The following FBXO11 variants were observed in gnomAD, a reference collection of about 807,000 sequenced individuals.
FBXO11 encodes F-box only protein 11.
A neutral mutation model predicts 117.0 loss-of-function variants in FBXO11; 13 were observed. The ratio of observed to expected loss-of-function variants is 0.11; its 90% CI spans 0.07 to 0.18. FBXO11 has a LOEUF of 0.18. Ranked by LOEUF, FBXO11 falls within the 10% of genes least tolerant of loss-of-function variation. FBXO11 has a pLI of 1.00. For missense variants in FBXO11, 767 were observed against 1,164.4 expected (o/e 0.66, Z 4.97); for synonymous variants, 490 against 380.5 (o/e 1.29, Z -3.35).
chr2:47,816,168 G>C (rs1670990850), intron 16 of FBXO11, among the ~76,000 whole-genome samples: 2 of 152,030 alleles, frequency 1.3e-5, no homozygotes, highest in South Asian at 4.1e-4. Context: ...GGGCATAACT[G>C]CAATTTTTTT....
chr2:47,807,109 C>T lies in FBXO11; in HGVS notation c.*1009G>A. 1 of 484,632 alleles carries T rather than the reference C, an allele frequency of 2.1e-6. No homozygotes were observed. 30.0% of individuals were successfully genotyped at this position (484,632 alleles called of 1,614,324 possible). On this transcript the variant is annotated 3_prime_UTR_variant, in exon 23 of 23. Coordinates refer to ENST00000403359, the MANE Select transcript of FBXO11 (RefSeq NM_001190274.2). The stretch of plus-strand genomic sequence containing the variant: ...TTTTATACCCACTGTCACCAATACA[C>T]ATAAATGGGGGAGGAAAAGCTATGA...
chr2:47,894,491 G>C (rs568683780), intron 1 of FBXO11, among the ~76,000 whole-genome samples: 27 of 152,224 alleles, frequency 1.8e-4, no homozygotes, highest in Middle Eastern at 6.8e-3. Flanking sequence ...AGCAGCAAAA[G>C]GAAGCAAGTT....
chr2:47,830,181 G>C lies in FBXO11; in HGVS notation c.1398+2168C>G, dbSNP rs74445052. Among the ~76,000 whole-genome samples the C allele has an allele frequency of 1.6e-4, 25 of 152,264 alleles. No individual in the cohort carries two copies. The East Asian group carries it at 4.4e-3, about 27-fold the overall frequency. On this transcript the variant is annotated intron_variant, in intron 11 of 22. Transcript: ENST00000403359. ...AAGCCAAAATATGGATACTGAGGTAGAAGAGCAATCTTTCAAGCAAAGAAG... is the reference window on the plus strand; with the variant it reads ...AAGCCAAAATATGGATACTGAGGTACAAGAGCAATCTTTCAAGCAAAGAAG...
At chr2:47,905,397 G>A (rs1252633432) in intron 1 of FBXO11, 92 bp downstream of exon 1, 116 of 1,076,480 alleles carry the variant, frequency 1.1e-4, no homozygotes, top group Non-Finnish European at 1.2e-4. Flanking sequence ...GGGCGCGCAG[G>A]CCGCCCCCGC....
At chr2:47,835,048 T>A (rs890841942) in intron 5 of FBXO11, among the ~76,000 whole-genome samples, 177 bp from the exon 6 acceptor site, 2 of 152,210 alleles carry the variant, frequency 1.3e-5, no homozygotes, top group African/African-American at 4.8e-5. Context: ...TCCGGTAATA[T>A]CCAGAAACAA....
chr2:47,863,543 TG>T (rs1457874719), intron 1 of FBXO11, among the ~76,000 whole-genome samples: 1 of 152,204 alleles, frequency 6.6e-6, no homozygotes, highest in African/African-American at 2.4e-5. Flanking sequence ...TAAATAAAAG[TG>T]GTAACTTTAT....
At chr2:47,811,654 C>T (rs146468285) in intron 18 of FBXO11, 202 of 152,310 alleles carry the variant, frequency 1.3e-3, no homozygotes, top group African/African-American at 4.6e-3. Context: ...TTCCAGAAAC[C>T]ATTTCCTATA....
chr2:47,859,780 AAAAT>A (rs2103733667), intron 1 of FBXO11, among the ~76,000 whole-genome samples: 1 of 152,346 alleles, frequency 6.6e-6, no homozygotes, highest in South Asian at 2.1e-4. Context: ...GGATATTCTT[AAAAT>A]AATATTAATA....
intron 1 of FBXO11, among the ~76,000 whole-genome samples, chr2:47,844,645 G>A (rs557768303): frequency 2.6e-5 from 4 of 152,048 alleles, no homozygotes; most frequent in South Asian, 2.1e-4. Context: ...TTCTTAATGC[G>A]TATTTCTTTT....
chr2:47,851,212 T>C (rs945152929), intron 1 of FBXO11, among the ~76,000 whole-genome samples: 1 of 152,152 alleles, frequency 6.6e-6, no homozygotes, highest in Non-Finnish European at 1.5e-5. Context: ...ATTAACTAAA[T>C]GCTATTAATT....
intron 18 of FBXO11, among the ~76,000 whole-genome samples, chr2:47,812,047 A>T (rs1670654449): frequency 6.8e-6 from 1 of 147,854 alleles, no homozygotes; most frequent in Non-Finnish European, 1.5e-5. Context: ...AATCTTGATT[A>T]TTTCCACTAC....
rs530561919 is a variant in FBXO11, at chr2:47,900,582, A to G, written c.232+4907T>C. Among the ~76,000 whole-genome samples, 524 of 117,536 alleles carry G rather than the reference A, an allele frequency of 4.5e-3. 4 individuals carry two copies. The highest frequency in any genetic ancestry group is 6.9e-3 in the Non-Finnish European group (337 of 49,028). 77.1% of individuals were successfully genotyped at this position (117,536 alleles called of 152,430 possible). On this transcript the variant is annotated intron_variant, in intron 1 of 22. Coordinates refer to ENST00000403359, the MANE Select transcript of FBXO11 (RefSeq NM_001190274.2). ...CGTATATATACACACGTATACACAC[A>G]TATATACGTATATACACACGTATAC...
At chr2:47,826,516 C>T (rs570717199) in intron 11 of FBXO11, among the ~76,000 whole-genome samples, 1 of 152,156 alleles carries the variant, frequency 6.6e-6, no homozygotes, top group Admixed American at 6.5e-5. Flanking sequence ...AGGTATTATC[C>T]ACTGACTTCT....
chr2:47,846,474 A>AT (rs906843894), intron 1 of FBXO11, among the ~76,000 whole-genome samples: 2 of 151,892 alleles, frequency 1.3e-5, no homozygotes, highest in African/African-American at 4.8e-5. Flanking sequence ...TCAAAAAAAA[A>AT]TTTTTTTTTA....
chr2:47,816,382 T>C (rs1471825400), intron 16 of FBXO11, among the ~76,000 whole-genome samples: 3 of 152,124 alleles, frequency 2.0e-5, no homozygotes, highest in African/African-American at 7.2e-5. Flanking sequence ...GGTTTTGCTA[T>C]GTTGCCCAGG....
intron 4 of FBXO11, among the ~76,000 whole-genome samples, chr2:47,837,613 T>C (rs1369261880): frequency 6.6e-6 from 1 of 152,218 alleles, no homozygotes; most frequent in Admixed American, 6.5e-5. Flanking sequence ...AACAAAGAAG[T>C]GTAAAGAACT....
intron 5 of FBXO11, among the ~76,000 whole-genome samples, chr2:47,835,425 G>A (rs1192449774): frequency 2.6e-5 from 4 of 152,182 alleles, no homozygotes; most frequent in Admixed American, 2.6e-4. Flanking sequence ...ACTTATTAAT[G>A]GGGGGATATG....
intron 1 of FBXO11, among the ~76,000 whole-genome samples, chr2:47,904,914 C>G (rs1441343009): frequency 2.6e-5 from 4 of 152,008 alleles, no homozygotes; most frequent in Non-Finnish European, 5.9e-5. Context: ...TCCCCCTACC[C>G]CGTGACCAGG....
intron 1 of FBXO11, among the ~76,000 whole-genome samples, chr2:47,898,577 T>C (rs188296656): frequency 2.6e-4 from 40 of 152,310 alleles, no homozygotes; most frequent in African/African-American, 9.6e-4. Context: ...TGCTTAATGA[T>C]CTCATCAACA....
Sources: gnomAD v4.1 joint callset for allele counts (sites outside exome capture counted in the v4.1 genomes callset) on GRCh38, gnomAD v4.1.1 for gene constraint, MANE v1.5 for transcripts, NCBI Gene and HGNC (gene_info 2026-07-23, HGNC 2026-07-21) for gene names.